HLA-E: variants seen among roughly 807,000 people sequenced by gnomAD.
The protein encoded by HLA-E is HLA class I histocompatibility antigen, alpha chain E.
Under a neutral mutation model 43.4 loss-of-function variants are expected in HLA-E, and 25 were observed. The observed-to-expected ratio is 0.58, with a 90% confidence interval of 0.42 to 0.80. The LOEUF is 0.80. Among genes scored for constraint, HLA-E ranks in the 30% least tolerant of loss-of-function variants. The probability of loss-of-function intolerance (pLI) is 0.00; values close to 1 mark genes in which losing one functional copy is unlikely to be tolerated. For missense variants in HLA-E, 343 were observed against 470.0 expected (o/e 0.73, Z 2.50); for synonymous variants, 161 against 197.6 (o/e 0.81, Z 1.55).
chr6:30,489,970 C>T lies in HLA-E; in HGVS notation c.309C>T (p.Arg103=). The T allele has an allele frequency of 1.2e-6, 2 of 1,610,348 alleles. No homozygotes were observed. The highest frequency in any genetic ancestry group is 1.7e-6 in the Non-Finnish European group (2 of 1,178,302). The part of the protein sequence containing the change: ...QIFRVNLRTL[R]GYYNQSEAGS... ...TCCGAGTGAATCTGCGGACGCTGCG[C>T]GGCTACTACAATCAGAGCGAGGCCG... Residue 103 remains arginine, a synonymous_variant, in exon 2 of 8, where the codon CGC becomes CGT. Coordinates refer to ENST00000376630, the MANE Select transcript of HLA-E (RefSeq NM_005516.6). The surrounding 1 kb of genome is among the most constrained non-coding windows in gnomAD (Gnocchi z 5.6).
At position 30,493,664 on chromosome 6, in the gene HLA-E, G is replaced by A. The variant is rs1162870090; in HGVS notation, c.*918G>A. 3.3e-5 allele frequency: 5 copies of A among 152,356 alleles called. No individual in the cohort carries two copies. Among genetic ancestry groups the A allele is most frequent in the Admixed American group, 3.3e-4 (5 of 15,282 alleles). 9.4% of individuals were successfully genotyped at this position (152,356 alleles called of 1,614,324 possible). A position where few individuals can be genotyped will look rare whatever the true frequency, so the allele number is the denominator to read the frequency against. On this transcript the variant is annotated 3_prime_UTR_variant, in exon 8 of 8. Coordinates refer to ENST00000376630, the MANE Select transcript of HLA-E (RefSeq NM_005516.6). This position sits in a 1 kb window ranked among gnomAD's most constrained non-coding sequence, Gnocchi z 5.5. The stretch of plus-strand genomic sequence containing the variant: ...TGGATTAATGGGTTATCACAGGAAT[G>A]GGACTGGTGGCTTTATAAGAAGAGG...
Position 30,491,436 on chromosome 6 carries a change from TGTCTC to T in HLA-E, c.886+25_886+29del. On this transcript the variant is annotated intron_variant, in intron 4 of 7. Coordinates refer to ENST00000376630, the MANE Select transcript of HLA-E (RefSeq NM_005516.6). This position sits in a 1 kb window ranked among gnomAD's most constrained non-coding sequence, Gnocchi z 5.4. ...GAGTAAGGAGGGGGATGGGAGGTCA[TGTCTC>T]TTCTCAGGGAAAGCGGGAGCCCTTC... is the stretch of plus-strand genomic sequence containing the variant. The T allele has an allele frequency of 6.2e-7, 1 of 1,613,530 alleles. No individual in the cohort carries two copies. The highest frequency in any genetic ancestry group is 8.5e-7 in the Non-Finnish European group (1 of 1,179,556).
chr6:30,491,907 C>T lies in HLA-E; in HGVS notation c.1003+254C>T, dbSNP rs1318639189. 6.6e-6 allele frequency among the ~76,000 whole-genome samples: 1 copy of T among 152,136 alleles called. No individual in the cohort carries two copies. Among genetic ancestry groups the T allele is most frequent in the Non-Finnish European group, 1.5e-5 (1 of 68,010 alleles). ...CGCCTCCCAGGTTCAAGCAATTCTC[C>T]TGCCTCAGCCTCCCTAGTAGCTGGG... On this transcript the variant is annotated intron_variant, in intron 5 of 7. Transcript: ENST00000376630. This position sits in a 1 kb window ranked among gnomAD's most constrained non-coding sequence, Gnocchi z 5.4.
rs1447247038 is a variant in HLA-E at position 30,492,235 on chromosome 6, G to A, written c.1004-169G>A. On this transcript the variant is annotated intron_variant, in intron 5 of 7. Transcript: ENST00000376630. This position sits in a 1 kb window ranked among gnomAD's most constrained non-coding sequence, Gnocchi z 4.5. Reference sequence around the variant, plus strand: ...CCCTGCTGAAGACAGACCTCAGAAGGGCAGTTGATCCAGGACCCACACCTG... The same window carrying A: ...CCCTGCTGAAGACAGACCTCAGAAGAGCAGTTGATCCAGGACCCACACCTG... 6.6e-6 allele frequency among the ~76,000 whole-genome samples: 1 copy of A among 152,150 alleles called. No individual in the cohort carries two copies. The highest frequency in any genetic ancestry group is 2.4e-5 in the African/African-American group (1 of 41,428).
rs1796693483 is a variant in HLA-E, at chr6:30,493,859, C to T, written c.*1113C>T. The T allele has an allele frequency of 6.6e-6, 1 of 152,348 alleles. No homozygotes were observed. Among genetic ancestry groups the T allele is most frequent in the African/African-American group, 2.4e-5 (1 of 41,454 alleles). The allele number at this position is 152,348 out of a possible 1,614,324, so 9.4% of individuals were successfully genotyped here. On this transcript the variant is annotated 3_prime_UTR_variant, in exon 8 of 8. Coordinates refer to ENST00000376630, the MANE Select transcript of HLA-E (RefSeq NM_005516.6). This position sits in a 1 kb window ranked among gnomAD's most constrained non-coding sequence, Gnocchi z 5.5. Reference sequence around the variant, plus strand: ...GCCTTGTGGAGCGCTGGGAGCAGGACCTGACCACCACCAGGACCCCAGAAC... The same window carrying T: ...GCCTTGTGGAGCGCTGGGAGCAGGATCTGACCACCACCAGGACCCCAGAAC...
In HLA-E at chr6:30,489,564, G is replaced by A. The variant is rs1234744143; in HGVS notation, c.33G>A (p.Ser11=). 2 of 1,535,262 alleles carry A rather than the reference G, an allele frequency of 1.3e-6. No individual in the cohort carries two copies. Among genetic ancestry groups the A allele is most frequent in the African/African-American group, 1.4e-5 (1 of 72,178 alleles). Residue 11 remains serine, a synonymous_variant, in exon 1 of 8, where the codon TCG becomes TCA. Transcript: ENST00000376630. The surrounding 1 kb of genome is among the most constrained non-coding windows in gnomAD (Gnocchi z 5.6). ...ATGGAACCCTCCTTTTACTCCTCTCGGAGGCCCTGGCCCTTACCCAGACCT... is the reference window on the plus strand; with the variant it reads ...ATGGAACCCTCCTTTTACTCCTCTCAGAGGCCCTGGCCCTTACCCAGACCT... MVDGTLLLLL[S]EALALTQTWA... is the part of the protein sequence containing the mutation.
In HLA-E at chr6:30,492,511, T is replaced by C; in HGVS notation, c.1037-30T>C. ...CCTGCACCACATCTCCTGTGGGCTC[T>C]GACCAGGTCTTGTTTTTGTTCTACC... On this transcript the variant is annotated intron_variant, in intron 6 of 7. Coordinates refer to ENST00000376630, the MANE Select transcript of HLA-E (RefSeq NM_005516.6). The surrounding 1 kb of genome is among the most constrained non-coding windows in gnomAD (Gnocchi z 4.5). The C allele has an allele frequency of 6.2e-7, 1 of 1,614,172 alleles. No homozygotes were observed. The highest frequency in any genetic ancestry group is 8.5e-7 in the Non-Finnish European group (1 of 1,180,020).
At position 30,491,456 on chromosome 6, in the gene HLA-E, GGGAGCCCTTCT is replaced by G. The variant is rs1420095225; in HGVS notation, c.886+55_887-60del. ...GGTCATGTCTCTTCTCAGGGAAAGC[GGGAGCCCTTCT>G]GGAGCCCTTCCGCAGGGTCAGGGCT... On this transcript the variant is annotated intron_variant, in intron 4 of 7. Transcript: ENST00000376630. This position sits in a 1 kb window ranked among gnomAD's most constrained non-coding sequence, Gnocchi z 5.4. 3.1e-6 allele frequency: 5 copies of G among 1,611,078 alleles called. No homozygotes were observed. In the African/African-American group the frequency reaches 4.0e-5, roughly 13 times the overall value.
rs908375287 is a variant in HLA-E, at chr6:30,491,101, T to C, written c.611-36T>C. 6 of 1,609,604 alleles carry C rather than the reference T, an allele frequency of 3.7e-6. No individual in the cohort carries two copies. In the African/African-American group the frequency reaches 6.7e-5, roughly 18 times the overall value. On this transcript the variant is annotated intron_variant, in intron 3 of 7. Transcript: ENST00000376630. This position sits in a 1 kb window ranked among gnomAD's most constrained non-coding sequence, Gnocchi z 5.4. ...TGCTGCTGGAGTGTCCCATGAGAGA[T>C]ACAAAGTGCCTGAATTTTCTGACTC...
chr6:30,490,153 CT>C lies in HLA-E; in HGVS notation c.335-82del. On this transcript the variant is annotated intron_variant, in intron 2 of 7. Coordinates refer to ENST00000376630, the MANE Select transcript of HLA-E (RefSeq NM_005516.6). This position sits in a 1 kb window ranked among gnomAD's most constrained non-coding sequence, Gnocchi z 6.6. ...GAGTCTCAGGCGCCTTTACCCGGTT[CT>C]TTTTCAGTTTAGGCCAAAATGCCCA... 1 of 1,451,042 alleles carries C rather than the reference CT, an allele frequency of 6.9e-7. No individual in the cohort carries two copies. The highest frequency in any genetic ancestry group is 9.2e-7 in the Non-Finnish European group (1 of 1,082,406). The allele number at this position is 1,451,042 out of a possible 1,614,324, so 89.9% of individuals were successfully genotyped here. A position where few individuals can be genotyped will look rare whatever the true frequency, so the allele number is the denominator to read the frequency against.
rs1796572892 is a variant in HLA-E, at chr6:30,491,962, A to C, written c.1003+309A>C. On this transcript the variant is annotated intron_variant, in intron 5 of 7. Transcript: ENST00000376630. The surrounding 1 kb of genome is among the most constrained non-coding windows in gnomAD (Gnocchi z 5.4). ...CACATGCGTGCCACCACACCTGGCT[A>C]ATTTTTTTTTTTGTATTTTTAGTGG... is the stretch of plus-strand genomic sequence containing the variant. 6.6e-6 allele frequency among the ~76,000 whole-genome samples: 1 copy of C among 151,606 alleles called. No individual in the cohort carries two copies. Among genetic ancestry groups the C allele is most frequent in the African/African-American group, 2.4e-5 (1 of 41,234 alleles).
In HLA-E at chr6:30,491,669, G is replaced by C. The variant is rs1303875732; in HGVS notation, c.1003+16G>C. The C allele has an allele frequency of 6.3e-7, 1 of 1,599,550 alleles. No homozygotes were observed. Among genetic ancestry groups the C allele is most frequent in the East Asian group, 2.2e-5 (1 of 44,784 alleles). ...AAGAGCTCAGGTGGGGAAGGGAGAA[G>C]GGTGGGGTCTGAGTTTTCTTGTCCC... On this transcript the variant is annotated intron_variant, in intron 5 of 7. Coordinates refer to ENST00000376630, the MANE Select transcript of HLA-E (RefSeq NM_005516.6). This position sits in a 1 kb window ranked among gnomAD's most constrained non-coding sequence, Gnocchi z 5.4.
Position 30,489,620 on chromosome 6 carries a change from C to T in HLA-E, c.64+25C>T, listed in dbSNP as rs751700263. ...GGTGAGTGCGGGGTCGGGATGGAAA[C>T]GGCCTCTACCGGGAGTAGAGAGGGG... On this transcript the variant is annotated intron_variant, in intron 1 of 7. Transcript: ENST00000376630. This position sits in a 1 kb window ranked among gnomAD's most constrained non-coding sequence, Gnocchi z 5.6. The T allele has an allele frequency of 2.5e-6, 4 of 1,588,550 alleles. No individual in the cohort carries two copies. Among genetic ancestry groups the T allele is most frequent in the Admixed American group, 1.7e-5 (1 of 57,750 alleles).
chr6:30,490,150 G>T lies in HLA-E; in HGVS notation c.335-90G>T. Reference sequence around the variant, plus strand: ...GGAGAGTCTCAGGCGCCTTTACCCGGTTCTTTTTCAGTTTAGGCCAAAATG... The same window carrying T: ...GGAGAGTCTCAGGCGCCTTTACCCGTTTCTTTTTCAGTTTAGGCCAAAATG... On this transcript the variant is annotated intron_variant, in intron 2 of 7. Coordinates refer to ENST00000376630, the MANE Select transcript of HLA-E (RefSeq NM_005516.6). The surrounding 1 kb of genome is among the most constrained non-coding windows in gnomAD (Gnocchi z 6.6). 1 of 1,465,006 alleles carries T rather than the reference G, an allele frequency of 6.8e-7. No individual in the cohort carries two copies. The highest frequency in any genetic ancestry group is 9.2e-7 in the Non-Finnish European group (1 of 1,090,574). The allele number at this position is 1,465,006 out of a possible 1,614,324, so 90.8% of individuals were successfully genotyped here. A position where few individuals can be genotyped will look rare whatever the true frequency, so the allele number is the denominator to read the frequency against.
Position 30,491,814 on chromosome 6 carries a change from G to C in HLA-E, c.1003+161G>C, listed in dbSNP as rs1796562675. 6.6e-6 allele frequency among the ~76,000 whole-genome samples: 1 copy of C among 151,528 alleles called. No homozygotes were observed. The highest frequency in any genetic ancestry group is 2.4e-5 in the African/African-American group (1 of 41,220). ...GTGCCAGCACCTACTCTTTTTTTTT[G>C]AGACGGAGTCTTGGCTCTGTCACCC... is the stretch of plus-strand genomic sequence containing the variant. On this transcript the variant is annotated intron_variant, in intron 5 of 7. Transcript: ENST00000376630. This position sits in a 1 kb window ranked among gnomAD's most constrained non-coding sequence, Gnocchi z 5.4.
chr6:30,491,736 G>A lies in HLA-E; in HGVS notation c.1003+83G>A, dbSNP rs1455863239. The A allele has an allele frequency of 2.0e-5, 23 of 1,137,892 alleles. No homozygotes were observed. The highest frequency in any genetic ancestry group is 2.6e-5 in the Non-Finnish European group (20 of 779,154). The allele number at this position is 1,137,892 out of a possible 1,614,324, so 70.5% of individuals were successfully genotyped here. A position where few individuals can be genotyped will look rare whatever the true frequency, so the allele number is the denominator to read the frequency against. ...CCTAGGTAAAAGTGTGTCCTGCCTCGTTACTGGGAAGCACCATCCACACAC... is the reference window on the plus strand; with the variant it reads ...CCTAGGTAAAAGTGTGTCCTGCCTCATTACTGGGAAGCACCATCCACACAC... On this transcript the variant is annotated intron_variant, in intron 5 of 7. Transcript: ENST00000376630. The surrounding 1 kb of genome is among the most constrained non-coding windows in gnomAD (Gnocchi z 5.4).
At position 30,491,397 on chromosome 6, in the gene HLA-E, G is replaced by C. The variant is rs779165262; in HGVS notation, c.871G>C (p.Val291Leu). ...HVQHEGLPEP[V>L]TLRWKPASQP... is the part of the protein sequence containing the mutation. ...GCAGCATGAGGGGCTACCCGAGCCC[G>C]TCACCCTGAGATGGAGTAAGGAGGG... The change falls in exon 4 of 8, where the codon GTC becomes CTC. Residue 291 changes from valine (V) to leucine (L), a missense_variant. Val to Leu is a conservative substitution (Grantham distance 32). Around this residue, in one of 3 missense-constraint regions of HLA-E, gnomAD observed 190 missense variants for 283.6 expected, o/e 0.67. Transcript: ENST00000376630. This position sits in a 1 kb window ranked among gnomAD's most constrained non-coding sequence, Gnocchi z 5.4. 1.2e-6 allele frequency: 2 copies of C among 1,614,162 alleles called. No homozygotes were observed. Among genetic ancestry groups the C allele is most frequent in the Non-Finnish European group, 1.7e-6 (2 of 1,180,026 alleles).
In HLA-E at chr6:30,490,287, G is replaced by T. The variant is rs1264457; in HGVS notation, c.382G>T (p.Gly128Trp). Residue 128 changes from glycine (G) to tryptophan (W), a missense_variant, in exon 3 of 8, where the codon GGG becomes TGG. By Grantham distance (184) the Gly-to-Trp change is radical. Coordinates refer to ENST00000376630, the MANE Select transcript of HLA-E (RefSeq NM_005516.6). The surrounding 1 kb of genome is among the most constrained non-coding windows in gnomAD (Gnocchi z 6.6). ...GCATGGCTGCGAGCTGGGGCCCGAC[G>T]GGCGCTTCCTCCGCGGGTATGAACA... ...WMHGCELGPDGRFLRGYEQFA... is the reference protein window; with the variant it reads ...WMHGCELGPDWRFLRGYEQFA... 1 of 1,612,540 alleles carries T rather than the reference G, an allele frequency of 6.2e-7. No individual in the cohort carries two copies. Among genetic ancestry groups the T allele is most frequent in the East Asian group, 2.2e-5 (1 of 44,866 alleles).
Position 30,489,783 on chromosome 6 carries a change from C to A in HLA-E, c.122C>A (p.Pro41His), listed in dbSNP as rs1466055507. The change falls in exon 2 of 8, where the codon CCC (proline) becomes CAC (histidine). Residue 41 changes from proline to histidine, a missense_variant. Physicochemically the swap from Pro to His is moderately conservative, Grantham distance 77. Transcript: ENST00000376630. The surrounding 1 kb of genome is among the most constrained non-coding windows in gnomAD (Gnocchi z 5.6). ...TSVSRPGRGE[P>H]RFISVGYVDD... ...GTGTCCCGGCCCGGCCGCGGGGAGC[C>A]CCGCTTCATCTCTGTGGGCTACGTG... 6.2e-7 allele frequency: 1 copy of A among 1,612,826 alleles called. No individual in the cohort carries two copies. Among genetic ancestry groups the A allele is most frequent in the Non-Finnish European group, 8.5e-7 (1 of 1,179,964 alleles).
Sources: gnomAD v4.1 joint callset for allele counts (sites outside exome capture counted in the v4.1 genomes callset) on GRCh38, gnomAD v4.1.1 for gene constraint, gnomAD v4.1.1 regional missense constraint, Gnocchi (gnomAD v3.1) non-coding constraint, MANE v1.5 for transcripts, NCBI Gene and HGNC (gene_info 2026-07-23, HGNC 2026-07-21) for gene names.